The following FBXO34 variants were observed in gnomAD, a reference collection of about 807,000 sequenced individuals.
The protein encoded by FBXO34 is F-box protein 34, also known as F-box only protein 34.
In FBXO34, 12 loss-of-function variants were observed where a neutral mutation model predicts 24.5. The ratio of observed to expected loss-of-function variants is 0.49; its 90% CI spans 0.31 to 0.79. The LOEUF is 0.79. FBXO34 is among the 30% of genes least tolerant of loss of function. The pLI, the probability that FBXO34 is intolerant of heterozygous loss-of-function variation, is 0.04. For synonymous variants in FBXO34, 320 were observed against 311.9 expected, an observed-to-expected ratio of 1.03 and a Z score of -0.27; for missense variants, 823 against 857.7, an observed-to-expected ratio of 0.96 and a Z score of 0.51.
the FBXO34 span, among the ~76,000 whole-genome samples, chr14:55,415,196 AGC>A: frequency 5.3e-5 from 8 of 152,260 alleles, no homozygotes; most frequent in Non-Finnish European, 1.2e-4. Context: ...ATGGAGCTTC[AGC>A]TAATCAGGAC....
At chr14:55,379,024 T>G in the FBXO34 span, among the ~76,000 whole-genome samples, 5 of 152,064 alleles carry the variant, frequency 3.3e-5, no homozygotes, top group African/African-American at 1.2e-4. Flanking sequence ...CTCATCCTGT[T>G]TTAACGTTCT....
At chr14:55,390,954 C>T in the FBXO34 span, 1 of 1,605,980 alleles carries the variant, frequency 6.2e-7, no homozygotes, top group East Asian at 2.2e-5. Context: ...TTTGTTTTAA[C>T]TGTTCAATCC....
downstream of FBXO34, among the ~76,000 whole-genome samples, chr14:55,370,343 A>T (rs765100016): frequency 3.4e-4 from 51 of 152,224 alleles, no homozygotes; most frequent in Non-Finnish European, 6.2e-4. Context: ...ATTTAGTGTA[A>T]TAAGTAATAA....
intron 1 of FBXO34, among the ~76,000 whole-genome samples, chr14:55,345,561 CA>C (rs1483303941): frequency 6.6e-6 from 1 of 152,200 alleles, no homozygotes; most frequent in Non-Finnish European, 1.5e-5. Flanking sequence ...CCCGTCTCCC[CA>C]TGGGCTCTCA....
In FBXO34 at chr14:55,349,921, T is replaced by C. The variant is rs534184297; in HGVS notation, c.-10-460T>C. On this transcript the variant is annotated intron_variant, in intron 1 of 1. Coordinates refer to ENST00000313833, the MANE Select transcript of FBXO34 (RefSeq NM_017943.4). ...CATGCCCGGCCAGGAAGCAATAATT[T>C]TGATGGGCTGTTTGCAACTAATAAA... Among the ~76,000 whole-genome samples, 230 of 152,218 alleles carry C rather than the reference T, an allele frequency of 1.5e-3. 1 individual carries two copies. The highest frequency in any genetic ancestry group is 2.5e-3 in the Non-Finnish European group (173 of 68,014).
intron 1 of FBXO34, among the ~76,000 whole-genome samples, chr14:55,319,271 A>C (rs189924741): frequency 6.6e-6 from 1 of 152,312 alleles, no homozygotes; most frequent in East Asian, 1.9e-4. Flanking sequence ...TTCTTTTGAC[A>C]CTGTACCTAT....
chr14:55,351,514 C>A lies in FBXO34; in HGVS notation c.1124C>A (p.Pro375Gln), dbSNP rs1174686788. ...AWDGASQDCP[P>Q]LPAGVSFHID... The stretch of plus-strand genomic sequence containing the variant: ...GACGGTGCTTCTCAGGACTGCCCCC[C>A]ATTGCCAGCAGGAGTGAGTTTCCAC... The change falls in exon 2 of 2, where the codon CCA becomes CAA. Residue 375 changes from proline (P) to glutamine (Q), a missense_variant. Transcript: ENST00000313833. The A allele has an allele frequency of 3.1e-6, 5 of 1,614,170 alleles. No individual in the cohort carries two copies. Among genetic ancestry groups the A allele is most frequent in the Non-Finnish European group, 3.4e-6 (4 of 1,180,018 alleles).
At chr14:55,296,327 A>G (rs919157606) in intron 1 of FBXO34, among the ~76,000 whole-genome samples, 1 of 148,482 alleles carries the variant, frequency 6.7e-6, no homozygotes, top group Non-Finnish European at 1.5e-5. Flanking sequence ...GACAGGAAGT[A>G]TAATTTAGTG....
rs569195764 is a variant in FBXO34 at position 55,347,011 on chromosome 14, A to G, written c.-10-3370A>G. Among the ~76,000 whole-genome samples, 3 of 152,274 alleles carry G rather than the reference A, an allele frequency of 2.0e-5. No homozygotes were observed. The South Asian group carries it at 6.2e-4, about 32-fold the overall frequency. On this transcript the variant is annotated intron_variant, in intron 1 of 1. Transcript: ENST00000313833. ...TTCCAATTTCAACCTAACATTAAAA[A>G]CAGATTCTGGGCCCAGTCTGAGAAA... is the stretch of plus-strand genomic sequence containing the variant.
At chr14:55,366,343 G>A (rs1884678369), downstream of FBXO34, 1 of 152,578 alleles carries the variant, frequency 6.6e-6, no homozygotes, top group Admixed American at 6.5e-5. Context: ...TACCCTCGAT[G>A]CAGCAGTGCA....
At chr14:55,346,187 G>A (rs118176604) in intron 1 of FBXO34, among the ~76,000 whole-genome samples, 276 of 152,324 alleles carry the variant, frequency 1.8e-3, no homozygotes, top group Non-Finnish European at 3.2e-3. Context: ...CTGTGAACAA[G>A]CTTTCAAAGT....
downstream of FBXO34, chr14:55,369,509 T>C: frequency 1.8e-6 from 2 of 1,107,766 alleles, no homozygotes; most frequent in Non-Finnish European, 2.5e-6. Context: ...AACAACACTT[T>C]AACCTCTTTG....
At chr14:55,284,541 T>G (rs1881690679) in intron 1 of FBXO34, among the ~76,000 whole-genome samples, 1 of 143,770 alleles carries the variant, frequency 7.0e-6, no homozygotes, top group Non-Finnish European at 1.6e-5. Flanking sequence ...AAGTGAATGA[T>G]TTATTTTCTT....
intron 1 of FBXO34, among the ~76,000 whole-genome samples, chr14:55,281,991 C>CTT (rs372305828): frequency 0.017 from 1,128 of 65,108 alleles, 177 homozygotes; most frequent in African/African-American, 0.075. Context: ...TTAAATTTAG[C>CTT]TTTTTTTTTT....
At chr14:55,390,790 A>G in the FBXO34 span, 1 of 681,520 alleles carries the variant, frequency 1.5e-6, no homozygotes, top group South Asian at 1.8e-5. Context: ...GAGTAGTAAA[A>G]TTCTCCAAGT....
At chr14:55,385,108 C>T in the FBXO34 span, among the ~76,000 whole-genome samples, 345 of 152,326 alleles carry the variant, frequency 2.3e-3, 1 homozygote, top group Non-Finnish European at 4.1e-3. Flanking sequence ...GTAGTGCCCA[C>T]CATCTAAGAG....
chr14:55,425,700 C>G, the FBXO34 span, among the ~76,000 whole-genome samples: 3 of 152,114 alleles, frequency 2.0e-5, no homozygotes, highest in Non-Finnish European at 4.4e-5. Context: ...ATGTTACTTC[C>G]CCAAGAAAAT....
downstream of FBXO34, among the ~76,000 whole-genome samples, chr14:55,363,023 CT>C (rs398057110): frequency 0.013 from 1,728 of 132,296 alleles, 19 homozygotes; most frequent in Non-Finnish European, 0.016. Context: ...TTCTCTCTCT[CT>C]TTTTTTTTTT....
chr14:55,327,753 C>T (rs1286814747), intron 1 of FBXO34, among the ~76,000 whole-genome samples: 1 of 151,960 alleles, frequency 6.6e-6, no homozygotes, highest in African/African-American at 2.4e-5. Flanking sequence ...GGATACGTTC[C>T]ATGGCCTCCG....
Sources: allele counts gnomAD v4.1 joint callset (sites outside exome capture counted in the v4.1 genomes callset), GRCh38; gene constraint gnomAD v4.1.1; transcripts MANE v1.5; gene names NCBI Gene and HGNC (gene_info 2026-07-23, HGNC 2026-07-21).